The following NR2F1-AS1 variants were observed in gnomAD, a reference collection of about 807,000 sequenced individuals.
NR2F1-AS1 encodes NR2F1 regulatory antisense RNA 1.
At chr5:93,562,880 C>T (rs760910115) in intron 2 of NR2F1-AS1, among the ~76,000 whole-genome samples, 1 of 152,174 alleles carries the variant, frequency 6.6e-6, no homozygotes, top group Non-Finnish European at 1.5e-5. Context: ...ACAATGGTCA[C>T]ATAATTCTCC....
chr5:93,552,601 TC>T (rs1752256249), intron 4 of NR2F1-AS1, among the ~76,000 whole-genome samples: 2 of 151,016 alleles, frequency 1.3e-5, no homozygotes, highest in African/African-American at 4.9e-5. Flanking sequence ...TGAGCATCAG[TC>T]CTACAAATTT....
chr5:93,551,399 C>T (rs932296330), intron 4 of NR2F1-AS1, among the ~76,000 whole-genome samples: 1 of 151,914 alleles, frequency 6.6e-6, no homozygotes, highest in Non-Finnish European at 1.5e-5. Context: ...AACATTTAAC[C>T]TCTAATTAAT....
chr5:93,574,756 T>C (rs2149931592), intron 1 of NR2F1-AS1, among the ~76,000 whole-genome samples: 1 of 152,276 alleles, frequency 6.6e-6, no homozygotes. Context: ...AGGTCCAGGA[T>C]TTGTGCACAG....
rs1453962371 is a variant in NR2F1-AS1 at position 93,502,942 on chromosome 5, A to G, written n.638+50819T>C. On this transcript the variant is annotated intron_variant and non_coding_transcript_variant, in intron 4 of 5. Coordinates refer to ENST00000660523, the Ensembl canonical transcript of NR2F1-AS1. The stretch of plus-strand genomic sequence containing the variant: ...AATACAAATTTAATTCCATTTTAAA[A>G]GCAGACACAAAAGAAAGATAAATCA... Among the ~76,000 whole-genome samples the G allele has an allele frequency of 2.6e-5, 4 of 152,242 alleles. No homozygotes were observed. The East Asian group carries it at 7.7e-4, about 29-fold the overall frequency.
At chr5:93,457,721 T>G (rs11747178) in intron 4 of NR2F1-AS1, among the ~76,000 whole-genome samples, 5,315 of 152,180 alleles carry the variant, frequency 0.035, 128 homozygotes, top group South Asian at 0.069. Flanking sequence ...TCTCTGAAGT[T>G]TGTGTCACCT....
At chr5:93,530,879 CT>C (rs775406383) in intron 4 of NR2F1-AS1, among the ~76,000 whole-genome samples, 9 of 151,388 alleles carry the variant, frequency 5.9e-5, no homozygotes, top group Non-Finnish European at 2.9e-5. Context: ...TCTAAGGTTA[CT>C]TTTCTTAAGT....
chr5:93,430,764 G>A (rs1453593602), intron 4 of NR2F1-AS1, among the ~76,000 whole-genome samples: 1 of 152,038 alleles, frequency 6.6e-6, no homozygotes, highest in Non-Finnish European at 1.5e-5. Flanking sequence ...CAATACCAAA[G>A]CTTAGTGAAC....
intron 4 of NR2F1-AS1, among the ~76,000 whole-genome samples, chr5:93,441,264 C>T (rs927597528): frequency 7.9e-5 from 12 of 152,170 alleles, no homozygotes; most frequent in East Asian, 3.8e-4. Flanking sequence ...TATCTTTGCC[C>T]ACTATCCTTT....
intron 4 of NR2F1-AS1, among the ~76,000 whole-genome samples, chr5:93,416,532 T>C (rs1345139684): frequency 3.9e-5 from 6 of 152,202 alleles, no homozygotes; most frequent in African/African-American, 1.4e-4. Context: ...AAAAAGAGCA[T>C]AACAGCAACA....
At chr5:93,443,310 A>G (rs1724916896) in intron 4 of NR2F1-AS1, among the ~76,000 whole-genome samples, 1 of 152,196 alleles carries the variant, frequency 6.6e-6, no homozygotes, top group Non-Finnish European at 1.5e-5. Flanking sequence ...AAAAACGATT[A>G]GACAAATGGC....
chr5:93,450,668 G>A (rs1749807806), intron 4 of NR2F1-AS1, among the ~76,000 whole-genome samples: 1 of 152,046 alleles, frequency 6.6e-6, no homozygotes, highest in African/African-American at 2.4e-5. Flanking sequence ...AAGTGGTTAG[G>A]GGTGGTAGTC....
chr5:93,465,571 C>G (rs1402238138), intron 4 of NR2F1-AS1, among the ~76,000 whole-genome samples: 1 of 152,202 alleles, frequency 6.6e-6, no homozygotes, highest in African/African-American at 2.4e-5. Context: ...CATCCCATTA[C>G]TGGGTATATA....
chr5:93,522,897 T>C (rs1370313679), intron 4 of NR2F1-AS1, among the ~76,000 whole-genome samples: 1 of 152,018 alleles, frequency 6.6e-6, no homozygotes. Flanking sequence ...GCCCTGGGTT[T>C]CAAGCACAAA....
intron 4 of NR2F1-AS1, among the ~76,000 whole-genome samples, chr5:93,472,661 C>CA (rs201785905): frequency 0.013 from 1,928 of 150,998 alleles, 20 homozygotes; most frequent in Non-Finnish European, 0.022. Flanking sequence ...CACATATATA[C>CA]AAAAAAAACA....
intron 4 of NR2F1-AS1, among the ~76,000 whole-genome samples, chr5:93,442,316 C>T (rs1749590019): frequency 6.6e-6 from 1 of 152,176 alleles, no homozygotes; most frequent in Non-Finnish European, 1.5e-5. Flanking sequence ...ACAGACGGTA[C>T]CTGGAAAATC....
chr5:93,540,304 C>A (rs1417097758), intron 4 of NR2F1-AS1, among the ~76,000 whole-genome samples: 1 of 152,106 alleles, frequency 6.6e-6, no homozygotes, highest in Admixed American at 6.5e-5. Flanking sequence ...TGTCTGTCAC[C>A]TGTTTAAAAA....
chr5:93,545,083 T>C (rs949855564), intron 4 of NR2F1-AS1, among the ~76,000 whole-genome samples: 2 of 152,110 alleles, frequency 1.3e-5, no homozygotes, highest in Non-Finnish European at 2.9e-5. Flanking sequence ...AAAGACTTAG[T>C]AGGAGCAGTG....
At chr5:93,578,204 A>G (rs1752939226) in intron 1 of NR2F1-AS1, among the ~76,000 whole-genome samples, 1 of 152,200 alleles carries the variant, frequency 6.6e-6, no homozygotes, top group Non-Finnish European at 1.5e-5. Flanking sequence ...GTGCAGCCAA[A>G]CCGATCTGTG....
In NR2F1-AS1 at chr5:93,446,295, G is replaced by A. The variant is rs189063408; in HGVS notation, n.639-50753C>T. On this transcript the variant is annotated intron_variant and non_coding_transcript_variant, in intron 4 of 5. Transcript: ENST00000660523. ...TGCAGATGACATGATTATATATTTA[G>A]AAAACCCCATCGTCTCAGCCCAAAA... Among the ~76,000 whole-genome samples the A allele has an allele frequency of 6.7e-4, 102 of 152,296 alleles. 1 individual carries two copies. Among genetic ancestry groups the A allele is most frequent in the African/African-American group, 2.4e-3 (98 of 41,554 alleles).
Sources: allele counts gnomAD v4.1 joint callset (sites outside exome capture counted in the v4.1 genomes callset), GRCh38; gene constraint gnomAD v4.1.1; transcripts MANE v1.5; gene names NCBI Gene and HGNC (gene_info 2026-07-23, HGNC 2026-07-21).